Variants in CLYBL observed in about 807,000 individuals in gnomAD.
CLYBL encodes the protein citramalyl-CoA lyase.
CLYBL carries 31 observed loss-of-function variants against 38.9 expected under a neutral mutation model. The ratio of observed to expected loss-of-function variants is 0.80; its 90% CI spans 0.60 to 1.08. The LOEUF is 1.08. Among genes scored for constraint, CLYBL ranks in the 50% least tolerant of loss-of-function variants. CLYBL has a pLI of 0.00. For missense variants in CLYBL, 434 were observed against 411.6 expected (o/e 1.05, Z -0.47); for synonymous variants, 171 against 158.6 (o/e 1.08, Z -0.59).
intron 2 of CLYBL, among the ~76,000 whole-genome samples, chr13:99,774,590 G>A (rs962934468): frequency 3.3e-5 from 5 of 152,260 alleles, no homozygotes; most frequent in South Asian, 4.1e-4. Flanking sequence ...CTGAAACAAC[G>A]TGGCTGTACT....
intron 1 of CLYBL, among the ~76,000 whole-genome samples, chr13:99,739,047 C>T (rs2048709585): frequency 6.6e-6 from 1 of 152,156 alleles, no homozygotes; most frequent in Non-Finnish European, 1.5e-5. Context: ...AAATTGTTCT[C>T]AGAAGATACC....
chr13:99,754,082 G>A (rs1286791917), intron 1 of CLYBL, among the ~76,000 whole-genome samples: 4 of 59,208 alleles, frequency 6.8e-5, no homozygotes, highest in African/African-American at 1.9e-4. Context: ...AGCGAAACTC[G>A]GTCTCAAAAA....
intron 1 of CLYBL, among the ~76,000 whole-genome samples, chr13:99,622,806 T>A (rs202036699): frequency 4.9e-3 from 81 of 16,542 alleles, no homozygotes; most frequent in African/African-American, 8.8e-3. Flanking sequence ...TTTTTTAAAT[T>A]AAATTTAATT....
intron 1 of CLYBL, among the ~76,000 whole-genome samples, chr13:99,649,900 T>C (rs1374298808): frequency 6.6e-6 from 1 of 150,412 alleles, no homozygotes; most frequent in Non-Finnish European, 1.5e-5. Context: ...TGATGCTTCA[T>C]GAAAAAAAAA....
At chr13:99,693,403 T>G (rs1219667109) in intron 1 of CLYBL, among the ~76,000 whole-genome samples, 1 of 152,050 alleles carries the variant, frequency 6.6e-6, no homozygotes, top group Admixed American at 6.6e-5. Context: ...TCTCTTTCTC[T>G]CTTCCCTGTA....
At position 99,814,404 on chromosome 13, in the gene CLYBL, T is replaced by C. The variant is rs35339021; in HGVS notation, c.249+41394T>C. On this transcript the variant is annotated intron_variant, in intron 2 of 8. Coordinates refer to ENST00000339105, the MANE Select transcript of CLYBL (RefSeq NM_206808.5). Reference sequence around the variant, plus strand: ...CCTAGAGTTTTCCCAAAAGCATTGTTTGCCCCTTTGAACATGGAAACAAAA... The same window carrying C: ...CCTAGAGTTTTCCCAAAAGCATTGTCTGCCCCTTTGAACATGGAAACAAAA... Among the ~76,000 whole-genome samples, 1,380 of 152,308 alleles carry C rather than the reference T, an allele frequency of 9.1e-3. 20 individuals carry two copies. The highest frequency in any genetic ancestry group is 0.032 in the African/African-American group (1,320 of 41,578).
At position 99,785,777 on chromosome 13, in the gene CLYBL, T is replaced by C. The variant is rs182916051; in HGVS notation, c.249+12767T>C. 4.9e-3 allele frequency among the ~76,000 whole-genome samples: 751 copies of C among 152,200 alleles called. 4 individuals carry two copies. The highest frequency in any genetic ancestry group is 0.018 in the African/African-American group (727 of 41,510). On this transcript the variant is annotated intron_variant, in intron 2 of 8. Coordinates refer to ENST00000339105, the MANE Select transcript of CLYBL (RefSeq NM_206808.5). ...CACCTGGCTAATTTTTTTGTATTTT[T>C]AGTAGAGACAGGGTTTCACCATCTT...
intron 7 of CLYBL, among the ~76,000 whole-genome samples, chr13:99,875,499 G>A (rs1487438542): frequency 6.6e-6 from 1 of 152,098 alleles, no homozygotes; most frequent in African/African-American, 2.4e-5. Context: ...CAAATGCAAG[G>A]CTTTACAAAA....
At position 99,722,483 on chromosome 13, in the gene CLYBL, G is replaced by A. The variant is rs147948402; in HGVS notation, c.63-50341G>A. 2.8e-3 allele frequency among the ~76,000 whole-genome samples: 421 copies of A among 151,756 alleles called. 4 individuals are homozygous for A. Among genetic ancestry groups the A allele is most frequent in the African/African-American group, 9.8e-3 (405 of 41,354 alleles). On this transcript the variant is annotated intron_variant, in intron 1 of 8. Transcript: ENST00000339105. ...GTGTAATTTCAGCAGGAGTGGGTCC[G>A]CATCAACTCAGCCTGCCACAAACCT... is the stretch of plus-strand genomic sequence containing the variant.
intron 7 of CLYBL, chr13:99,885,155 G>A (rs1168134340): frequency 2.0e-6 from 1 of 511,644 alleles, no homozygotes; most frequent in Non-Finnish European, 4.0e-6. Flanking sequence ...TGTTGTGAAA[G>A]ACAGCAATGT....
At chr13:99,885,253 G>A in intron 7 of CLYBL, 2 of 364,454 alleles carry the variant, frequency 5.5e-6, no homozygotes, top group Non-Finnish European at 1.1e-5. Context: ...TACCAAGGAG[G>A]CCTCAAAACA....
intron 2 of CLYBL, among the ~76,000 whole-genome samples, chr13:99,779,844 G>T (rs2049602457): frequency 6.6e-6 from 1 of 152,136 alleles, no homozygotes; most frequent in Non-Finnish European, 1.5e-5. Context: ...TGGGTGGTTA[G>T]AGAAATGTGA....
intron 1 of CLYBL, among the ~76,000 whole-genome samples, chr13:99,706,426 A>C (rs537776378): frequency 2.6e-5 from 4 of 152,244 alleles, no homozygotes; most frequent in African/African-American, 9.6e-5. Context: ...CTGGGGTTCC[A>C]GTTATTTCAA....
intron 1 of CLYBL, among the ~76,000 whole-genome samples, chr13:99,617,488 G>A (rs1401027337): frequency 2.6e-5 from 4 of 152,112 alleles, no homozygotes; most frequent in African/African-American, 9.7e-5. Flanking sequence ...TTATTCTGTG[G>A]CCAAAAACAA....
chr13:99,774,843 A>G (rs2049477785), intron 2 of CLYBL, among the ~76,000 whole-genome samples: 1 of 152,170 alleles, frequency 6.6e-6, no homozygotes, highest in East Asian at 1.9e-4. Flanking sequence ...CTTTTTCTGA[A>G]GGCTGTAATA....
chr13:99,848,040 T>G (rs2051248572), intron 2 of CLYBL, among the ~76,000 whole-genome samples: 2 of 152,180 alleles, frequency 1.3e-5, no homozygotes, highest in Admixed American at 1.3e-4. Context: ...AATCATCACC[T>G]TGCTGTGTTC....
chr13:99,624,903 T>C (rs911164005), intron 1 of CLYBL, among the ~76,000 whole-genome samples: 6 of 152,212 alleles, frequency 3.9e-5, no homozygotes, highest in African/African-American at 1.4e-4. Context: ...CAAAATAACA[T>C]TCGCTTTTAT....
intron 2 of CLYBL, among the ~76,000 whole-genome samples, chr13:99,842,900 A>G (rs1684511011): frequency 1.3e-5 from 2 of 152,130 alleles, no homozygotes; most frequent in Admixed American, 6.5e-5. Flanking sequence ...TCTGGGCAAC[A>G]TAGCAAAACC....
At chr13:99,888,758 A>G (rs1157351588) in intron 7 of CLYBL, among the ~76,000 whole-genome samples, 1 of 152,156 alleles carries the variant, frequency 6.6e-6, no homozygotes, top group African/African-American at 2.4e-5. Context: ...CAAAAAATAT[A>G]TAATAAATAT....
Sources: gnomAD v4.1 joint callset for allele counts (sites outside exome capture counted in the v4.1 genomes callset) on GRCh38, gnomAD v4.1.1 for gene constraint, MANE v1.5 for transcripts, NCBI Gene and HGNC (gene_info 2026-07-23, HGNC 2026-07-21) for gene names.